Variants in PRKN observed in about 807,000 individuals in gnomAD.
PRKN encodes the protein E3 ubiquitin-protein ligase parkin.
In PRKN, 56 loss-of-function variants were observed where a neutral mutation model predicts 59.5. The ratio of observed to expected loss-of-function variants is 0.94; its 90% CI spans 0.76 to 1.18. The LOEUF is 1.18. Ranked by LOEUF, PRKN falls within the 50% of genes most tolerant of loss-of-function variation. The pLI, the probability that PRKN is intolerant of heterozygous loss-of-function variation, is 0.00. For missense variants in PRKN, 657 were observed against 596.4 expected (o/e 1.10, Z -1.06); for synonymous variants, 250 against 222.1 (o/e 1.13, Z -1.12).
chr6:161,755,335 C>T (rs1008475007), intron 7 of PRKN, among the ~76,000 whole-genome samples: 2 of 152,136 alleles, frequency 1.3e-5, no homozygotes, highest in South Asian at 4.2e-4. Flanking sequence ...ACACTATCTC[C>T]ATAACTCTGC....
At chr6:161,683,482 C>A (rs4709542) in intron 7 of PRKN, among the ~76,000 whole-genome samples, 152,311 of 152,312 alleles carry the variant, frequency 1, 76,155 homozygotes, top group Middle Eastern at 1. Context: ...AAGGGGAAGA[C>A]CATTGCCTCT....
intron 2 of PRKN, among the ~76,000 whole-genome samples, chr6:162,325,568 G>A (rs1357331512): frequency 6.6e-6 from 1 of 152,130 alleles, no homozygotes; most frequent in Non-Finnish European, 1.5e-5. Flanking sequence ...CAGCAGGACA[G>A]TGGAATGCTA....
chr6:161,727,430 CTCA>C lies in PRKN; in HGVS notation c.871+58339_871+58341del, dbSNP rs569375000. Among the ~76,000 whole-genome samples the C allele has an allele frequency of 4.6e-5, 7 of 152,256 alleles. No individual in the cohort carries two copies. In the East Asian group the frequency reaches 1.4e-3, roughly 29 times the overall value. On this transcript the variant is annotated intron_variant, in intron 7 of 11. Coordinates refer to ENST00000366898, the MANE Select transcript of PRKN (RefSeq NM_004562.3). ...CCCATAAATAACAGGGCCTAATGTGCTCATGAGAGGGGATTGCTTTTAGATAAC... is the reference window on the plus strand; with the variant it reads ...CCCATAAATAACAGGGCCTAATGTGCTGAGAGGGGATTGCTTTTAGATAAC...
At chr6:161,540,636 T>A (rs917162811) in intron 9 of PRKN, among the ~76,000 whole-genome samples, 3 of 152,128 alleles carry the variant, frequency 2.0e-5, no homozygotes, top group Non-Finnish European at 4.4e-5. Flanking sequence ...CACTACGGAT[T>A]AAAAAAATAA....
chr6:162,713,317 A>C (rs1584101658), intron 1 of PRKN, among the ~76,000 whole-genome samples: 1 of 152,022 alleles, frequency 6.6e-6, no homozygotes, highest in Admixed American at 6.6e-5. Flanking sequence ...ACACAGTGAA[A>C]CCCCGTCTCT....
At chr6:162,432,666 CA>C (rs2128163754) in intron 2 of PRKN, among the ~76,000 whole-genome samples, 1 of 152,270 alleles carries the variant, frequency 6.6e-6, no homozygotes, top group African/African-American at 2.4e-5. Flanking sequence ...CATATAAATT[CA>C]AAATCTTCAT....
At position 161,414,731 on chromosome 6, in the gene PRKN, G is replaced by A. The variant is rs1478779075; in HGVS notation, c.1084-27854C>T. The stretch of plus-strand genomic sequence containing the variant: ...CTGATGAAGCCCCAAAGTGCAAAAG[G>A]CATGAAAGGCACATTATGCTTCTCC... On this transcript the variant is annotated intron_variant, in intron 9 of 11. Transcript: ENST00000366898. The surrounding 1 kb of genome is among the most constrained non-coding windows in gnomAD (Gnocchi z 5.3). Among the ~76,000 whole-genome samples, 1 of 152,142 alleles carries A rather than the reference G, an allele frequency of 6.6e-6. No individual in the cohort carries two copies. The highest frequency in any genetic ancestry group is 2.4e-5 in the African/African-American group (1 of 41,402).
chr6:162,023,302 G>A (rs2128276599), intron 5 of PRKN, among the ~76,000 whole-genome samples: 1 of 152,280 alleles, frequency 6.6e-6, no homozygotes, highest in South Asian at 2.1e-4. Context: ...TACAAGGACA[G>A]AGGGCTTTCT....
intron 5 of PRKN, among the ~76,000 whole-genome samples, chr6:162,026,384 T>G (rs1186805885): frequency 1.3e-5 from 2 of 152,180 alleles, no homozygotes; most frequent in Non-Finnish European, 1.5e-5. Context: ...CTACGTCAAC[T>G]CTCCTGGAAA....
Position 161,554,647 on chromosome 6 carries a change from T to C in PRKN, c.934-5644A>G, listed in dbSNP as rs1780162635. 6.6e-6 allele frequency among the ~76,000 whole-genome samples: 1 copy of C among 151,784 alleles called. No individual in the cohort carries two copies. The highest frequency in any genetic ancestry group is 6.6e-5 in the Admixed American group (1 of 15,224). ...CTTTATATTATACATAAAAAGAATA[T>C]ATGGAATTATAGTTTCTTACAGTAT... On this transcript the variant is annotated intron_variant, in intron 8 of 11. Coordinates refer to ENST00000366898, the MANE Select transcript of PRKN (RefSeq NM_004562.3). The surrounding 1 kb of genome is among the most constrained non-coding windows in gnomAD (Gnocchi z 4.5).
chr6:162,167,228 T>A (rs1259978051), intron 4 of PRKN, among the ~76,000 whole-genome samples: 1 of 152,186 alleles, frequency 6.6e-6, no homozygotes, highest in Non-Finnish European at 1.5e-5. Context: ...AAATATCTGT[T>A]GCGATAGAGG....
At chr6:162,203,027 G>A (rs1329157061) in intron 3 of PRKN, among the ~76,000 whole-genome samples, 2 of 152,170 alleles carry the variant, frequency 1.3e-5, no homozygotes, top group Non-Finnish European at 2.9e-5. Context: ...TGAAAGGGGA[G>A]TCAGGGCTGC....
intron 2 of PRKN, among the ~76,000 whole-genome samples, chr6:162,278,036 G>A (rs963051555): frequency 8.5e-5 from 13 of 152,138 alleles, no homozygotes; most frequent in Non-Finnish European, 1.6e-4. Flanking sequence ...TTCTTCATCA[G>A]GTGAATGGAT....
At chr6:161,404,977 C>T (rs968460171) in intron 9 of PRKN, among the ~76,000 whole-genome samples, 1 of 152,162 alleles carries the variant, frequency 6.6e-6, no homozygotes, top group Non-Finnish European at 1.5e-5. Context: ...GGGACTAATT[C>T]TTCTCTTACT....
intron 6 of PRKN, among the ~76,000 whole-genome samples, chr6:161,793,972 G>T (rs1583172319): frequency 6.6e-6 from 1 of 152,024 alleles, no homozygotes; most frequent in East Asian, 1.9e-4. Flanking sequence ...TTCTAACCTC[G>T]GTGTTTGTTT....
At position 161,354,013 on chromosome 6, in the gene PRKN, C is replaced by T. The variant is rs1255410505; in HGVS notation, c.1286-3802G>A. 6.6e-6 allele frequency among the ~76,000 whole-genome samples: 1 copy of T among 152,108 alleles called. No homozygotes were observed. The highest frequency in any genetic ancestry group is 1.5e-5 in the Non-Finnish European group (1 of 68,020). ...CATGTTGTTTGTTCTACACTTAGAC[C>T]GAATGCCAAAAATTAATACCAAGCA... On this transcript the variant is annotated intron_variant, in intron 11 of 11. Transcript: ENST00000366898. The surrounding 1 kb of genome is among the most constrained non-coding windows in gnomAD (Gnocchi z 6.7).
chr6:162,285,903 T>C (rs1781166189), intron 2 of PRKN, among the ~76,000 whole-genome samples: 1 of 152,182 alleles, frequency 6.6e-6, no homozygotes, highest in African/African-American at 2.4e-5. Flanking sequence ...AAATGGTTGA[T>C]AAATGTGTGG....
At chr6:161,827,110 C>T (rs548857647) in intron 6 of PRKN, among the ~76,000 whole-genome samples, 24 of 152,210 alleles carry the variant, frequency 1.6e-4, no homozygotes, top group Non-Finnish European at 2.9e-4. Flanking sequence ...CATGGCCAAA[C>T]TGTTCTCCTT....
intron 7 of PRKN, among the ~76,000 whole-genome samples, chr6:161,761,669 T>C (rs956018134): frequency 2.0e-5 from 3 of 152,110 alleles, no homozygotes; most frequent in African/African-American, 4.8e-5. Flanking sequence ...CAATCATACA[T>C]AGAGAGCTAG....
Sources: gnomAD v4.1 joint callset for allele counts (sites outside exome capture counted in the v4.1 genomes callset) on GRCh38, gnomAD v4.1.1 for gene constraint, Gnocchi (gnomAD v3.1) non-coding constraint, MANE v1.5 for transcripts, NCBI Gene and HGNC (gene_info 2026-07-23, HGNC 2026-07-21) for gene names.